Variants in KIR2DL4 observed in about 807,000 individuals in gnomAD.
KIR2DL4 encodes killer cell immunoglobulin-like receptor 2DL4.
In KIR2DL4, 41 loss-of-function variants were observed where a neutral mutation model predicts 31.0. The ratio of observed to expected loss-of-function variants is 1.32; its 90% CI spans 1.03 to 1.72. KIR2DL4 has a LOEUF of 1.72. Among genes scored for constraint, KIR2DL4 ranks in the 40% most tolerant of loss-of-function variants. The probability of loss-of-function intolerance (pLI) is 0.00; values close to 1 mark genes in which losing one functional copy is unlikely to be tolerated. For synonymous variants in KIR2DL4, 164 were observed against 133.6 expected, an observed-to-expected ratio of 1.23 and a Z score of -1.57; for missense variants, 438 against 353.7, an observed-to-expected ratio of 1.24 and a Z score of -1.91.
rs1038999335 is a variant in KIR2DL4, at chr19:54,803,964, C to T, written c.76+38C>T. On this transcript the variant is annotated intron_variant, in intron 2 of 7. Transcript: ENST00000359085. ...CCAAATGATGGGTTGCCATCTTCAC[C>T]CCAATACAAGTGAATTTTCCAGAAA... The T allele has an allele frequency of 2.5e-6, 4 of 1,589,540 alleles. 1 individual carries two copies. Among genetic ancestry groups the T allele is most frequent in the South Asian group, 2.2e-5 (2 of 89,720 alleles).
At chr19:54,804,367 C>T (rs912799489) in intron 2 of KIR2DL4, among the ~76,000 whole-genome samples, 8 of 151,264 alleles carry the variant, frequency 5.3e-5, no homozygotes, top group South Asian at 2.1e-4. Flanking sequence ...GTTTCCATGA[C>T]GGTAGGGGCT....
intron 5 of KIR2DL4, among the ~76,000 whole-genome samples, chr19:54,809,441 C>T (rs1363665406): frequency 6.6e-6 from 1 of 150,874 alleles, no homozygotes; most frequent in Non-Finnish European, 1.5e-5. Context: ...TAACAAATTT[C>T]CACAAGCTTC....
chr19:54,809,414 C>A (rs35579530), intron 5 of KIR2DL4, among the ~76,000 whole-genome samples: 3 of 149,666 alleles, frequency 2.0e-5, no homozygotes, highest in Non-Finnish European at 4.4e-5. Context: ...AGTGTGGAAC[C>A]TTTTCCTATG....
chr19:54,808,045 T>C (rs1469493767), intron 4 of KIR2DL4, among the ~76,000 whole-genome samples: 1 of 151,170 alleles, frequency 6.6e-6, no homozygotes, highest in African/African-American at 2.5e-5. Context: ...TATAATTAAA[T>C]TATTAGTTTT....
chr19:54,805,668 T>A (rs2060470778), intron 3 of KIR2DL4, among the ~76,000 whole-genome samples: 2 of 150,992 alleles, frequency 1.3e-5, no homozygotes, highest in Non-Finnish European at 2.9e-5. Flanking sequence ...GATAATTTTC[T>A]CCAGCAACAA....
chr19:54,803,843 G>A (rs955440443), intron 1 of KIR2DL4, 48 bp from the exon 2 acceptor site: 4 of 1,586,312 alleles, frequency 2.5e-6, no homozygotes, highest in Non-Finnish European at 3.5e-6. Context: ...AGGAGGAAAG[G>A]GTAGGTTGCT....
Position 54,803,706 on chromosome 19 carries a change from G to A in KIR2DL4, c.40+15G>A. 1 of 1,610,646 alleles carries A rather than the reference G, an allele frequency of 6.2e-7. No individual in the cohort carries two copies. The highest frequency in any genetic ancestry group is 8.5e-7 in the Non-Finnish European group (1 of 1,178,366). ...GGCATGTCTTGGTGAGTCCTGGAAG[G>A]GAAGGAGCACCAGGGTTACACTATG... is the stretch of plus-strand genomic sequence containing the variant. On this transcript the variant is annotated intron_variant, in intron 1 of 7. Transcript: ENST00000359085.
At chr19:54,814,197 C>T in exon 8 of KIR2DL4, 1 of 1,437,150 alleles carries the variant, frequency 7.0e-7, no homozygotes, top group South Asian at 1.2e-5. Flanking sequence ...TCTAAGGTCC[C>T]CACTGCCTGC....
At chr19:54,810,743 GCCATTGGACTTACCTCGGGGCTAACT>G (rs1213217828) in intron 5 of KIR2DL4, among the ~76,000 whole-genome samples, 2 of 151,254 alleles carry the variant, frequency 1.3e-5, no homozygotes, top group Non-Finnish European at 2.9e-5. Flanking sequence ...GATACTCACA[GCCATTGGACTTACCTCGGGGCTAACT>G]GGGAATCCCT....
exon 8 of KIR2DL4, chr19:54,814,331 T>G (rs2061084441): frequency 7.0e-6 from 4 of 573,616 alleles, no homozygotes; most frequent in Non-Finnish European, 1.2e-5. Flanking sequence ...ACTGAGGAAC[T>G]CACAATTCCA....
chr19:54,804,697 C>A (rs2060389808), intron 2 of KIR2DL4, 96 bp from the exon 3 acceptor site: 7 of 1,346,770 alleles, frequency 5.2e-6, no homozygotes, highest in Non-Finnish European at 7.2e-6. Flanking sequence ...GTGGTAGGAG[C>A]CTTAGAAAGA....
At chr19:54,803,907 G>A in exon 2 of KIR2DL4, 1 of 1,610,326 alleles carries the variant, frequency 6.2e-7, no homozygotes, top group Non-Finnish European at 8.5e-7. Context: ...TCTTGGACCA[G>A]AGTGTGTGGG....
At chr19:54,804,746 G>A (rs747594000) in intron 2 of KIR2DL4, 47 bp from the exon 3 acceptor site, 17 of 1,570,488 alleles carry the variant, frequency 1.1e-5, no homozygotes, top group Admixed American at 3.5e-5. Context: ...GGAGGGAGGG[G>A]CAGCTCAACA....
chr19:54,813,983 G>C (rs1323521327), exon 8 of KIR2DL4: 1 of 1,612,358 alleles, frequency 6.2e-7, no homozygotes, highest in Non-Finnish European at 8.5e-7. Context: ...ACTTCCAAAT[G>C]CTGAGCCCAG....
chr19:54,813,109 T>C, intron 5 of KIR2DL4: 1 of 1,439,104 alleles, frequency 6.9e-7, no homozygotes, highest in Non-Finnish European at 9.5e-7. Flanking sequence ...CTTATTGGAT[T>C]CCCATCTTCC....
In KIR2DL4 at chr19:54,804,502, C is replaced by A. The variant is rs971286840; in HGVS notation, c.77-291C>A. Among the ~76,000 whole-genome samples, 6 of 151,062 alleles carry A rather than the reference C, an allele frequency of 4.0e-5. 1 individual carries two copies. Among genetic ancestry groups the A allele is most frequent in the Non-Finnish European group, 7.4e-5 (5 of 67,902 alleles). On this transcript the variant is annotated intron_variant, in intron 2 of 7. Transcript: ENST00000359085. ...TTCAGGCATTAGCTAATATTCCATT[C>A]ACAAAGGTCATACCCTCCACCCCAT...
chr19:54,808,220 T>TC (rs2060642003), intron 4 of KIR2DL4, among the ~76,000 whole-genome samples: 1 of 68,514 alleles, frequency 1.5e-5, no homozygotes, highest in African/African-American at 9.7e-5. Context: ...CAATGGTCTA[T>TC]TTTTTTGTTG....
intron 2 of KIR2DL4, 69 bp downstream of exon 2, chr19:54,803,995 G>A (rs1006887844): frequency 7.2e-7 from 1 of 1,390,882 alleles, no homozygotes; most frequent in Non-Finnish European, 1.0e-6. Flanking sequence ...AGAAATGGGA[G>A]GGAGGCAGCA....
chr19:54,810,865 G>A (rs1294568494), intron 5 of KIR2DL4, among the ~76,000 whole-genome samples: 1 of 151,268 alleles, frequency 6.6e-6, no homozygotes, highest in South Asian at 2.1e-4. Flanking sequence ...GGCAATTCCC[G>A]CCCCCCTGGT....
Sources: allele counts gnomAD v4.1 joint callset (sites outside exome capture counted in the v4.1 genomes callset), GRCh38; gene constraint gnomAD v4.1.1; transcripts MANE v1.5; gene names NCBI Gene and HGNC (gene_info 2026-07-23, HGNC 2026-07-21).